Variants in NCOA2 observed in about 807,000 individuals in gnomAD.
NCOA2 encodes nuclear receptor coactivator 2.
NCOA2 carries 21 observed loss-of-function variants against 145.1 expected under a neutral mutation model. That is an observed-to-expected ratio of 0.14 (90% CI 0.10 to 0.21). NCOA2 has a LOEUF of 0.21. NCOA2 is among the 10% of genes least tolerant of loss of function. The pLI is 1.00. For synonymous variants in NCOA2, 619 were observed against 637.5 expected, an observed-to-expected ratio of 0.97 and a Z score of 0.44; for missense variants, 1,472 against 1,837.6, an observed-to-expected ratio of 0.80 and a Z score of 3.64.
intron 2 of NCOA2, among the ~76,000 whole-genome samples, chr8:70,218,026 A>C (rs1302183843): frequency 1.3e-5 from 2 of 152,058 alleles, no homozygotes; most frequent in African/African-American, 4.8e-5. Flanking sequence ...AACTTAAGGA[A>C]GATGACAGAG....
At chr8:70,320,118 A>G (rs1014304216) in intron 1 of NCOA2, among the ~76,000 whole-genome samples, 1 of 152,224 alleles carries the variant, frequency 6.6e-6, no homozygotes, top group Admixed American at 6.5e-5. Context: ...TTAAATAGAT[A>G]TTCATGAAAT....
chr8:70,314,180 CAAAAAAAAAA>C (rs61028027), intron 1 of NCOA2, among the ~76,000 whole-genome samples: 618 of 17,166 alleles, frequency 0.036, 1 homozygote, highest in African/African-American at 0.066. Flanking sequence ...ACTCTGACTC[CAAAAAAAAAA>C]AAAAAAAAAA....
intron 4 of NCOA2, among the ~76,000 whole-genome samples, chr8:70,206,981 T>G (rs1253128494): frequency 1.3e-5 from 2 of 152,200 alleles, no homozygotes; most frequent in African/African-American, 4.8e-5. Flanking sequence ...TCCTTTCCAT[T>G]GTTCCCTACA....
intron 2 of NCOA2, among the ~76,000 whole-genome samples, chr8:70,228,533 T>A (rs1052357854): frequency 6.6e-6 from 1 of 152,120 alleles, no homozygotes; most frequent in Admixed American, 6.5e-5. Flanking sequence ...TAGTTATCCC[T>A]TGAGTAGTTA....
Position 70,248,877 on chromosome 8 carries a change from G to C in NCOA2, c.-19-32113C>G, listed in dbSNP as rs546806352. ...GAGGGTGACTGTATAGTAACAATTTGTCCCTTTTCACTGCTTAGGATATTG... is the reference window on the plus strand; with the variant it reads ...GAGGGTGACTGTATAGTAACAATTTCTCCCTTTTCACTGCTTAGGATATTG... On this transcript the variant is annotated intron_variant, in intron 2 of 22. Transcript: ENST00000452400. Among the ~76,000 whole-genome samples, 98 of 151,344 alleles carry C rather than the reference G, an allele frequency of 6.5e-4. 1 individual carries two copies. The highest frequency in any genetic ancestry group is 2.4e-3 in the African/African-American group (97 of 41,246).
intron 12 of NCOA2, among the ~76,000 whole-genome samples, chr8:70,145,303 G>A (rs1021216664): frequency 1.3e-5 from 2 of 151,604 alleles, no homozygotes; most frequent in South Asian, 2.1e-4. Flanking sequence ...GATTATAGGC[G>A]TGCACTACCA....
At chr8:70,243,513 T>C (rs757974823) in intron 2 of NCOA2, among the ~76,000 whole-genome samples, 102 of 152,158 alleles carry the variant, frequency 6.7e-4, no homozygotes, top group Middle Eastern at 3.4e-3. Context: ...GTAATAATAA[T>C]AGGTGCTCAA....
chr8:70,278,419 G>A (rs1825627805), intron 2 of NCOA2, among the ~76,000 whole-genome samples: 1 of 152,086 alleles, frequency 6.6e-6, no homozygotes, highest in Non-Finnish European at 1.5e-5. Flanking sequence ...ACTAGTTTAT[G>A]GTAATGGGAT....
At chr8:70,185,444 C>A (rs1815956528) in intron 4 of NCOA2, among the ~76,000 whole-genome samples, 1 of 152,192 alleles carries the variant, frequency 6.6e-6, no homozygotes, top group Admixed American at 6.5e-5. Flanking sequence ...ATACGCAGCA[C>A]CATGGCTCTG....
the NCOA2 span, among the ~76,000 whole-genome samples, chr8:70,418,754 C>G: frequency 6.6e-6 from 1 of 152,182 alleles, no homozygotes; most frequent in African/African-American, 2.4e-5. Context: ...TGCTCAGAAG[C>G]ACCATCTCTT....
chr8:70,121,048 G>C (rs1021333922), intron 22 of NCOA2, among the ~76,000 whole-genome samples: 3 of 151,780 alleles, frequency 2.0e-5, no homozygotes, highest in Non-Finnish European at 2.9e-5. Flanking sequence ...TGGCTACGAA[G>C]ACTACAGAAA....
intron 9 of NCOA2, among the ~76,000 whole-genome samples, chr8:70,160,693 G>C (rs192744822): frequency 1.4e-5 from 2 of 147,560 alleles, no homozygotes; most frequent in African/African-American, 5.3e-5. Flanking sequence ...GAGAGAGAGA[G>C]AGAGAGAGAC....
chr8:70,280,622 A>T (rs1218046603), intron 2 of NCOA2, among the ~76,000 whole-genome samples: 1 of 152,206 alleles, frequency 6.6e-6, no homozygotes, highest in African/African-American at 2.4e-5. Flanking sequence ...GTGTTAATCT[A>T]AACTAGATTT....
intron 1 of NCOA2, among the ~76,000 whole-genome samples, chr8:70,315,665 G>A (rs1307820851): frequency 6.6e-6 from 1 of 152,158 alleles, no homozygotes; most frequent in East Asian, 1.9e-4. Flanking sequence ...AAAGCCATGA[G>A]GACACACTCA....
intron 2 of NCOA2, among the ~76,000 whole-genome samples, chr8:70,226,522 T>C (rs1364581032): frequency 1.3e-5 from 2 of 152,060 alleles, no homozygotes; most frequent in African/African-American, 4.8e-5. Flanking sequence ...AAATGAGAAA[T>C]CAAATCTCAT....
At chr8:70,318,573 T>G (rs1266300632) in intron 1 of NCOA2, among the ~76,000 whole-genome samples, 4 of 152,066 alleles carry the variant, frequency 2.6e-5, no homozygotes, top group Admixed American at 6.5e-5. Context: ...GAGGTGAGCC[T>G]AGGCAACTAG....
the NCOA2 span, among the ~76,000 whole-genome samples, chr8:70,423,176 TTTTTGTTTTG>T: frequency 2.0e-5 from 3 of 152,092 alleles, no homozygotes; most frequent in East Asian, 1.9e-4. Flanking sequence ...TTCTTGTGGT[TTTTTGTTTTG>T]TTTTGTTTTG....
chr8:70,259,850 T>C (rs191558034), intron 2 of NCOA2, among the ~76,000 whole-genome samples: 14 of 152,350 alleles, frequency 9.2e-5, no homozygotes, highest in Admixed American at 7.8e-4. Flanking sequence ...AAAAGTCTTA[T>C]AACTGGGAAT....
the NCOA2 span, among the ~76,000 whole-genome samples, chr8:70,454,895 CA>C: frequency 6.6e-6 from 1 of 152,194 alleles, no homozygotes; most frequent in Non-Finnish European, 1.5e-5. Flanking sequence ...ATTTCCCCAT[CA>C]AAACCAATAT....
Sources: gnomAD v4.1 joint callset for allele counts (sites outside exome capture counted in the v4.1 genomes callset) on GRCh38, gnomAD v4.1.1 for gene constraint, MANE v1.5 for transcripts, NCBI Gene and HGNC (gene_info 2026-07-23, HGNC 2026-07-21) for gene names.